The following R3HCC1 variants were observed in gnomAD, a reference collection of about 807,000 sequenced individuals.
The protein encoded by R3HCC1 is R3H domain and coiled-coil containing 1.
R3HCC1 carries 32 observed loss-of-function variants against 40.0 expected under a neutral mutation model. The observed-to-expected ratio is 0.80, with a 90% CI of 0.60 to 1.07. The LOEUF (loss-of-function observed/expected upper bound fraction) is 1.07. R3HCC1 is among the 50% of genes least tolerant of loss of function. R3HCC1 has a pLI of 0.00. For missense variants in R3HCC1, 586 were observed against 563.3 expected, an observed-to-expected ratio of 1.04 and a Z score of -0.41; for synonymous variants, 237 against 232.8, an observed-to-expected ratio of 1.02 and a Z score of -0.17.
In R3HCC1 at chr8:23,288,194, C is replaced by T. The variant is rs988347177; in HGVS notation, c.-19+37C>T. The T allele has an allele frequency of 5.0e-6, 6 of 1,201,882 alleles. No homozygotes were observed. The African/African-American group carries it at 9.6e-5, about 19-fold the overall frequency. 74.5% of individuals were successfully genotyped at this position (1,201,882 alleles called of 1,614,324 possible). On this transcript the variant is annotated intron_variant, in intron 1 of 7. Transcript: ENST00000265806. The stretch of plus-strand genomic sequence containing the variant: ...AGCACTGGGGGGGTGGTCGTCCCGA[C>T]CCCCGGGCTCCCGGGTGGGAAGGAG...
rs1044297121 is a variant in R3HCC1, at chr8:23,291,356, C to G, written c.853-5C>G. ...TCCCCTTGCTAAGGGTCCGATCTCT[C>G]CTAGATCACAGACAACCTGACGAAG... On this transcript the variant is annotated splice_polypyrimidine_tract_variant and splice_region_variant and intron_variant, in intron 4 of 7. Transcript: ENST00000265806. 48 of 1,551,412 alleles carry G rather than the reference C, an allele frequency of 3.1e-5. No homozygotes were observed. Among genetic ancestry groups the G allele is most frequent in the Non-Finnish European group, 3.6e-5 (41 of 1,146,810 alleles).
intron 2 of R3HCC1, 45 bp from the exon 3 acceptor site, chr8:23,288,971 C>T (rs954455406): frequency 2.0e-6 from 3 of 1,532,924 alleles, no homozygotes; most frequent in East Asian, 2.4e-5. Context: ...TGGTAGGGGC[C>T]AGGCCCTGGA....
chr8:23,293,056 T>G (rs1330914306), intron 5 of R3HCC1, among the ~76,000 whole-genome samples: 1 of 152,148 alleles, frequency 6.6e-6, no homozygotes, highest in Non-Finnish European at 1.5e-5. Flanking sequence ...AGTCCTGGCT[T>G]CTTTAGTTCT....
At chr8:23,294,416 C>A (rs1422301019) in intron 6 of R3HCC1, among the ~76,000 whole-genome samples, 1 of 152,148 alleles carries the variant, frequency 6.6e-6, no homozygotes, top group Non-Finnish European at 1.5e-5. Flanking sequence ...ACGCATGTTC[C>A]CTGGAGGGTC....
In R3HCC1 at chr8:23,293,385, C is replaced by A. The variant is rs1484104607; in HGVS notation, c.1096+12C>A. Reference sequence around the variant, plus strand: ...CTGCCTGGCCTCAGGTAAGGCACCCCCAGTGGGCCCAGCCCTTGCTCGGAT... The same window carrying A: ...CTGCCTGGCCTCAGGTAAGGCACCCACAGTGGGCCCAGCCCTTGCTCGGAT... On this transcript the variant is annotated intron_variant, in intron 6 of 7. Coordinates refer to ENST00000265806, the MANE Select transcript of R3HCC1 (RefSeq NM_001136108.3). The A allele has an allele frequency of 6.5e-7, 1 of 1,546,248 alleles. No individual in the cohort carries two copies. The highest frequency in any genetic ancestry group is 2.0e-5 in the Admixed American group (1 of 50,986).
At chr8:23,290,560 G>A in intron 4 of R3HCC1, 91 bp downstream of exon 4, 1 of 1,402,924 alleles carries the variant, frequency 7.1e-7, no homozygotes, top group Non-Finnish European at 9.4e-7. Flanking sequence ...GGTGTGGAGA[G>A]CAGGGGATGT....
In R3HCC1 at chr8:23,289,162, C is replaced by A. The variant is rs1304573969; in HGVS notation, c.248+9C>A. On this transcript the variant is annotated intron_variant, in intron 3 of 7. Transcript: ENST00000265806. ...TGTCACCAGGACATCAGGTGTGTAG[C>A]CTCCCACCTTGAAGTGCCTGCAGCG... The A allele has an allele frequency of 3.9e-6, 6 of 1,535,984 alleles. 1 individual carries two copies. The highest frequency in any genetic ancestry group is 2.4e-5 in the East Asian group (1 of 40,912).
chr8:23,288,742 G>A, intron 2 of R3HCC1, 109 bp downstream of exon 2: 1 of 1,364,928 alleles, frequency 7.3e-7, no homozygotes, highest in Non-Finnish European at 9.9e-7. Context: ...TCTGACCTTG[G>A]CCTTTAGTCT....
intron 3 of R3HCC1, 92 bp from the exon 4 acceptor site, chr8:23,289,774 G>A (rs1014687205): frequency 2.1e-5 from 30 of 1,429,412 alleles, no homozygotes; most frequent in East Asian, 1.5e-4. Flanking sequence ...ATGCTGACCC[G>A]AATGTCTCTC....
intron 5 of R3HCC1, 72 bp from the exon 6 acceptor site, chr8:23,293,231 T>A: frequency 7.7e-7 from 1 of 1,290,548 alleles, no homozygotes; most frequent in African/African-American, 1.5e-5. Context: ...CGAGGGGGTG[T>A]GGCTGCGGGA....
intron 7 of R3HCC1, chr8:23,295,566 G>C (rs1802990871): frequency 2.2e-6 from 1 of 462,820 alleles, no homozygotes; most frequent in African/African-American, 2.0e-5. Context: ...TCTCGTGGGT[G>C]GTTACGTAGC....
Position 23,291,532 on chromosome 8 carries a change from C to T in R3HCC1, c.1024C>T (p.Gln342Ter). The T allele has an allele frequency of 6.4e-7, 1 of 1,550,490 alleles. No homozygotes were observed. The highest frequency in any genetic ancestry group is 8.7e-7 in the Non-Finnish European group (1 of 1,146,798). Residue 342 changes from glutamine to a stop codon, truncating the protein, a stop_gained and splice_region_variant, in exon 5 of 8, where the codon CAA becomes TAA. Coordinates refer to ENST00000265806, the MANE Select transcript of R3HCC1 (RefSeq NM_001136108.3). LOFTEE classifies it high-confidence loss of function. Reference sequence around the variant, plus strand: ...CCTGCTGGCAACGTTTTCTGAGTTCCAGTGAGTGGTGGCTGGGGAGGTGCT... The same window carrying T: ...CCTGCTGGCAACGTTTTCTGAGTTCTAGTGAGTGGTGGCTGGGGAGGTGCT...
At chr8:23,290,548 A>G (rs1167882302) in intron 4 of R3HCC1, 79 bp downstream of exon 4, 1 of 1,454,102 alleles carries the variant, frequency 6.9e-7, no homozygotes, top group African/African-American at 1.4e-5. Context: ...ACCAAGGGTT[A>G]TGGTGTGGAG....
At chr8:23,294,930 T>TGTGTGC in intron 7 of R3HCC1, 66 bp downstream of exon 7, 1 of 1,103,156 alleles carries the variant, frequency 9.1e-7, no homozygotes, top group Non-Finnish European at 1.3e-6. Flanking sequence ...AGCATGTGTG[T>TGTGTGC]GTGTGCGTGT....
At chr8:23,289,294 G>A in intron 3 of R3HCC1, 141 bp downstream of exon 3, 1 of 923,498 alleles carries the variant, frequency 1.1e-6, no homozygotes, top group South Asian at 1.7e-5. Flanking sequence ...CAGCTGCTCA[G>A]CCAGGGCTGC....
chr8:23,290,215 C>A lies in R3HCC1; in HGVS notation c.598C>A (p.Gln200Lys). 3 of 1,551,712 alleles carry A rather than the reference C, an allele frequency of 1.9e-6. No individual in the cohort carries two copies. The highest frequency in any genetic ancestry group is 2.6e-6 in the Non-Finnish European group (3 of 1,147,000). The change falls in exon 4 of 8, where the codon CAA becomes AAA. Residue 200 changes from glutamine to lysine, a missense_variant. Coordinates refer to ENST00000265806, the MANE Select transcript of R3HCC1 (RefSeq NM_001136108.3). Reference sequence around the variant, plus strand: ...AACAGAGGACCTAAAGGGCCCAGGACAAAGGTGTGAGAATGAGCCACTGCT... The same window carrying A: ...AACAGAGGACCTAAAGGGCCCAGGAAAAAGGTGTGAGAATGAGCCACTGCT...
chr8:23,293,195 G>A, intron 5 of R3HCC1, 108 bp from the exon 6 acceptor site: 1 of 831,948 alleles, frequency 1.2e-6, no homozygotes, highest in Non-Finnish European at 2.0e-6. Flanking sequence ...CCTTGCCTCA[G>A]GCTGGTGGCA....
intron 4 of R3HCC1, among the ~76,000 whole-genome samples, chr8:23,290,809 C>T (rs1471356158): frequency 6.6e-6 from 1 of 152,182 alleles, no homozygotes; most frequent in Non-Finnish European, 1.5e-5. Context: ...TTACGGATGC[C>T]AGTCATGGAA....
rs1392102580 is a variant in R3HCC1, at chr8:23,288,140, ACGC to A, written c.-35_-33del. On this transcript the variant is annotated 5_prime_UTR_variant, in exon 1 of 8. Transcript: ENST00000265806. ...CCTGGGGACGCCGAGGGCGGCTGCG[ACGC>A]GCCGAGAGGCCGCGGTGAGTGCAGC... 5.2e-5 allele frequency: 65 copies of A among 1,250,648 alleles called. No homozygotes were observed. The highest frequency in any genetic ancestry group is 5.8e-5 in the Non-Finnish European group (56 of 972,844). The allele number at this position is 1,250,648 out of a possible 1,614,324, so 77.5% of individuals were successfully genotyped here.
Sources: allele counts gnomAD v4.1 joint callset (sites outside exome capture counted in the v4.1 genomes callset), GRCh38; gene constraint gnomAD v4.1.1; transcripts MANE v1.5; gene names NCBI Gene and HGNC (gene_info 2026-07-23, HGNC 2026-07-21).